Variants in ZNF215 observed in about 807,000 individuals in gnomAD.
The protein encoded by ZNF215 is BWSCR2-associated zinc finger protein 2.
A neutral mutation model predicts 27.2 loss-of-function variants in ZNF215; 24 were observed. The ratio of observed to expected loss-of-function variants is 0.88; its 90% confidence interval spans 0.64 to 1.24. The LOEUF is 1.24. ZNF215 is among the 50% of genes most tolerant of loss of function. The pLI is 0.00. For missense variants in ZNF215, 675 were observed against 605.7 expected (o/e 1.11, Z -1.20); for synonymous variants, 210 against 204.0 (o/e 1.03, Z -0.25).
chr11:6,931,610 G>A (rs767957745), intron 2 of ZNF215, among the ~76,000 whole-genome samples: 9 of 152,184 alleles, frequency 5.9e-5, no homozygotes, highest in South Asian at 2.1e-4. Flanking sequence ...CCTAATAATA[G>A]TTTATGGATA....
rs1850342041 is a variant in ZNF215, at chr11:6,956,204, C to T, written c.1227C>T (p.Cys409=). ...IIHTGEKPYK[C]SECGRFFNRR... is the part of the protein sequence containing the mutation. Reference sequence around the variant, plus strand: ...ACACAGGAGAGAAACCCTATAAATGCAGTGAATGTGGGAGATTCTTCAACC... The same window carrying T: ...ACACAGGAGAGAAACCCTATAAATGTAGTGAATGTGGGAGATTCTTCAACC... The change falls in exon 7 of 7, where the codon TGC becomes TGT. Residue 409 remains cysteine (C), a synonymous_variant. Coordinates refer to ENST00000278319, the MANE Select transcript of ZNF215 (RefSeq NM_013250.4). The T allele has an allele frequency of 3.1e-6, 5 of 1,612,738 alleles. No homozygotes were observed. Among genetic ancestry groups the T allele is most frequent in the Middle Eastern group, 1.6e-4 (1 of 6,078 alleles).
intron 6 of ZNF215, among the ~76,000 whole-genome samples, chr11:6,952,228 G>A (rs1482198785): frequency 1.3e-5 from 2 of 152,166 alleles, no homozygotes; most frequent in Non-Finnish European, 2.9e-5. Flanking sequence ...GGGCTGGAGA[G>A]TTCTGTAGAT....
chr11:6,989,855 T>C (rs1199333036), downstream of ZNF215, among the ~76,000 whole-genome samples: 1 of 152,168 alleles, frequency 6.6e-6, no homozygotes, highest in Non-Finnish European at 1.5e-5. Context: ...AACCTGAGTA[T>C]GCCCAGATAA....
At chr11:6,976,380 T>C (rs1388623371) in intron 5 of ZNF215, among the ~76,000 whole-genome samples, 4 of 152,056 alleles carry the variant, frequency 2.6e-5, no homozygotes, top group Admixed American at 2.0e-4. Flanking sequence ...TAATATCTTA[T>C]GATGAAAATA....
chr11:6,973,510 C>T (rs1850765965), intron 5 of ZNF215, among the ~76,000 whole-genome samples: 1 of 152,186 alleles, frequency 6.6e-6, no homozygotes, highest in South Asian at 2.1e-4. Flanking sequence ...TACAGTCCCA[C>T]CACCAGTGTA....
chr11:6,938,895 A>T (rs1031058377), intron 3 of ZNF215, among the ~76,000 whole-genome samples: 1 of 152,166 alleles, frequency 6.6e-6, no homozygotes, highest in Non-Finnish European at 1.5e-5. Context: ...ATTTTATATT[A>T]TGTGAATTTT....
In ZNF215 at chr11:6,926,612, A is replaced by C. The variant is rs934309720; in HGVS notation, c.-399A>C. 6.6e-6 allele frequency: 1 copy of C among 152,226 alleles called. No individual in the cohort carries two copies. Among genetic ancestry groups the C allele is most frequent in the African/African-American group, 2.4e-5 (1 of 41,434 alleles). 9.4% of individuals were successfully genotyped at this position (152,226 alleles called of 1,614,324 possible). A position where few individuals can be genotyped will look rare whatever the true frequency, so the allele number is the denominator to read the frequency against. ...GGCGAGGTCAGGGATTCCTAGTTGC[A>C]GCGTGATTACCAACGCCAGCTCCCT... On this transcript the variant is annotated 5_prime_UTR_variant, in exon 1 of 7. Coordinates refer to ENST00000278319, the MANE Select transcript of ZNF215 (RefSeq NM_013250.4).
downstream of ZNF215, among the ~76,000 whole-genome samples, chr11:6,985,365 A>G (rs1024061836): frequency 3.3e-5 from 5 of 152,210 alleles, no homozygotes; most frequent in Admixed American, 6.5e-5. Flanking sequence ...AAAAAGCCCC[A>G]ACACAATAGA....
intron 3 of ZNF215, among the ~76,000 whole-genome samples, chr11:6,933,160 C>T (rs985788644): frequency 6.6e-6 from 1 of 152,166 alleles, no homozygotes; most frequent in African/African-American, 2.4e-5. Flanking sequence ...AATAGGAAAA[C>T]CAGTTAGACT....
intron 5 of ZNF215, among the ~76,000 whole-genome samples, chr11:6,976,761 T>C (rs1425559958): frequency 6.6e-6 from 1 of 152,072 alleles, no homozygotes; most frequent in African/African-American, 2.4e-5. Context: ...GAAAAATCAG[T>C]ATCTTGTTTG....
Position 6,956,585 on chromosome 11 carries a change from T to G in ZNF215, c.*54T>G. 1 of 1,491,508 alleles carries G rather than the reference T, an allele frequency of 6.7e-7. No individual in the cohort carries two copies. Among genetic ancestry groups the G allele is most frequent in the Non-Finnish European group, 8.9e-7 (1 of 1,128,366 alleles). 92.4% of individuals were successfully genotyped at this position (1,491,508 alleles called of 1,614,324 possible). Reference sequence around the variant, plus strand: ...GTCAGAATGCAGAACTCATTTAACATCATGAATTTATGCTGGATAAAATCT... The same window carrying G: ...GTCAGAATGCAGAACTCATTTAACAGCATGAATTTATGCTGGATAAAATCT... On this transcript the variant is annotated 3_prime_UTR_variant, in exon 7 of 7. Coordinates refer to ENST00000278319, the MANE Select transcript of ZNF215 (RefSeq NM_013250.4).
rs765825529 is a variant in ZNF215, at chr11:6,932,516, C to G, written c.244C>G (p.His82Asp). ...TCTTCAATGGCTGAGACCAGAGATTCATACAAAGAAGCAGATTATAGAACT... is the reference window on the plus strand; with the variant it reads ...TCTTCAATGGCTGAGACCAGAGATTGATACAAAGAAGCAGATTATAGAACT... ...LCLQWLRPEI[H>D]TKKQIIELLV... is the part of the protein sequence containing the mutation. Residue 82 changes from histidine (H) to aspartate (D), a missense_variant, in exon 3 of 7, where the codon CAT becomes GAT. By Grantham distance (81) the His-to-Asp change is moderately conservative. Coordinates refer to ENST00000278319, the MANE Select transcript of ZNF215 (RefSeq NM_013250.4). The G allele has an allele frequency of 3.1e-6, 5 of 1,614,132 alleles. No homozygotes were observed. Among genetic ancestry groups the G allele is most frequent in the Non-Finnish European group, 4.2e-6 (5 of 1,180,028 alleles).
downstream of ZNF215, among the ~76,000 whole-genome samples, chr11:6,958,245 T>A (rs995853156): frequency 1.3e-5 from 2 of 152,220 alleles, no homozygotes; most frequent in Non-Finnish European, 2.9e-5. Flanking sequence ...ATTCTGACTT[T>A]TTAAATTTAG....
At chr11:6,931,720 GGGTAA>G (rs1849271588) in intron 2 of ZNF215, among the ~76,000 whole-genome samples, 1 of 152,208 alleles carries the variant, frequency 6.6e-6, no homozygotes, top group South Asian at 2.1e-4. Context: ...AGAGAACTTT[GGGTAA>G]GGTTTTTCAG....
chr11:6,977,287 C>G (rs1438488234), intron 5 of ZNF215, among the ~76,000 whole-genome samples: 1 of 152,042 alleles, frequency 6.6e-6, no homozygotes, highest in Non-Finnish European at 1.5e-5. Flanking sequence ...CCTGCTCTGT[C>G]CCACCCAGTC....
intron 5 of ZNF215, among the ~76,000 whole-genome samples, chr11:6,970,591 CAA>C (rs1319283663): frequency 6.6e-6 from 1 of 152,058 alleles, no homozygotes; most frequent in Non-Finnish European, 1.5e-5. Context: ...CAGAGAAAAA[CAA>C]GGGATAATTT....
At chr11:6,951,727 A>C (rs895557397) in intron 6 of ZNF215, among the ~76,000 whole-genome samples, 1 of 151,760 alleles carries the variant, frequency 6.6e-6, no homozygotes, top group African/African-American at 2.4e-5. Flanking sequence ...TTGTGTCTCT[A>C]TTTCCTTCAG....
intron 3 of ZNF215, among the ~76,000 whole-genome samples, chr11:6,940,771 T>A (rs550269880): frequency 1.8e-4 from 27 of 152,328 alleles, no homozygotes; most frequent in African/African-American, 6.0e-4. Context: ...GTGGAGATGA[T>A]CCAGATTTGC....
At position 6,971,571 on chromosome 11, in the gene ZNF215, G is replaced by A. The variant is rs548053840; in HGVS notation, c.806-12558G>A. Among the ~76,000 whole-genome samples, 16 of 152,196 alleles carry A rather than the reference G, an allele frequency of 1.1e-4. No individual in the cohort carries two copies. In the South Asian group the frequency reaches 2.9e-3, roughly 28 times the overall value. On this transcript the variant is annotated intron_variant, in intron 5 of 5. Transcript: ENST00000529903. ...CCTATCATAGAGAAAACACAAAATG[G>A]ATAGATTAAAACATGAAAATCTTTG... is the stretch of plus-strand genomic sequence containing the variant.
Sources: gnomAD v4.1 joint callset for allele counts (sites outside exome capture counted in the v4.1 genomes callset) on GRCh38, gnomAD v4.1.1 for gene constraint, MANE v1.5 for transcripts, NCBI Gene and HGNC (gene_info 2026-07-23, HGNC 2026-07-21) for gene names.